Variants in CPD observed in about 807,000 individuals in gnomAD.
CPD encodes metallocarboxypeptidase D.
Under a neutral mutation model 138.3 loss-of-function variants are expected in CPD, and 69 were observed. That is an observed-to-expected ratio of 0.50 (90% CI 0.41 to 0.61). The LOEUF (loss-of-function observed/expected upper bound fraction) is 0.61, where lower values mean the gene tolerates loss of function less well. Ranked by LOEUF, CPD falls within the 20% of genes least tolerant of loss-of-function variation. The pLI is 0.00. For synonymous variants in CPD, 651 were observed against 642.1 expected (o/e 1.01, Z -0.21); for missense variants, 1,432 against 1,733.3 (o/e 0.83, Z 3.09).
rs1252854885 is a variant in CPD at position 30,435,646 on chromosome 17, G to C, written c.2128-3329G>C. Among the ~76,000 whole-genome samples the C allele has an allele frequency of 3.3e-5, 5 of 152,138 alleles. No individual in the cohort carries two copies. In the East Asian group the frequency reaches 9.6e-4, roughly 29 times the overall value. On this transcript the variant is annotated intron_variant, in intron 8 of 20. Coordinates refer to ENST00000225719, the MANE Select transcript of CPD (RefSeq NM_001304.5). ...GTGACAAAAAAAGATTGATACATTG[G>C]ACATAATCCAGATTTAAAACTTCTT... is the stretch of plus-strand genomic sequence containing the variant.
At position 30,468,818 on chromosome 17, in the gene CPD, G is replaced by C. The variant is rs1435747778; in HGVS notation, c.*4004G>C. The C allele has an allele frequency of 6.6e-6, 1 of 151,980 alleles. No individual in the cohort carries two copies. Among genetic ancestry groups the C allele is most frequent in the Non-Finnish European group, 1.5e-5 (1 of 67,982 alleles). 9.4% of individuals were successfully genotyped at this position (151,980 alleles called of 1,614,324 possible). A position where few individuals can be genotyped will look rare whatever the true frequency, so the allele number is the denominator to read the frequency against. ...AAATAGTACCAGGATCAGAATACAG[G>C]GTATCACCTATGGAATGTTTCTGTA... On this transcript the variant is annotated 3_prime_UTR_variant, in exon 21 of 21. Transcript: ENST00000225719.
chr17:30,400,649 A>ATTTTTT, intron 2 of CPD, among the ~76,000 whole-genome samples: 1 of 76,068 alleles, frequency 1.3e-5, no homozygotes, highest in African/African-American at 6.1e-5. Context: ...TTTTGCCATC[A>ATTTTTT]TTCTTTTTTT....
chr17:30,380,586 G>A, intron 1 of CPD: 2 of 1,505,888 alleles, frequency 1.3e-6, no homozygotes, highest in Non-Finnish European at 1.8e-6. Context: ...CAAAGTAGAA[G>A]AAGGAGGACC....
chr17:30,438,147 T>A (rs1912756538), intron 8 of CPD, among the ~76,000 whole-genome samples: 1 of 151,996 alleles, frequency 6.6e-6, no homozygotes. Context: ...TCCCTGTTTA[T>A]ATATTTTAAA....
rs535787426 is a variant in CPD at position 30,396,518 on chromosome 17, C to T, written c.994+11282C>T. Among the ~76,000 whole-genome samples, 3 of 152,268 alleles carry T rather than the reference C, an allele frequency of 2.0e-5. No homozygotes were observed. In the East Asian group the frequency reaches 5.8e-4, roughly 29 times the overall value. On this transcript the variant is annotated intron_variant, in intron 2 of 20. Transcript: ENST00000225719. The stretch of plus-strand genomic sequence containing the variant: ...GATTGAATTTATTAATCTCCCCTCC[C>T]CTTAAAAGCTAGATCTTTCTGTGGT...
chr17:30,396,822 C>A lies in CPD; in HGVS notation c.994+11586C>A, dbSNP rs192514126. On this transcript the variant is annotated intron_variant, in intron 2 of 20. Coordinates refer to ENST00000225719, the MANE Select transcript of CPD (RefSeq NM_001304.5). ...CTTTCCTTTCCTTTCCTTTCATTTC[C>A]TCTTCCTTTCTTTCCTTCTTTCCTT... 2.5e-3 allele frequency among the ~76,000 whole-genome samples: 378 copies of A among 151,374 alleles called. 2 individuals are homozygous for A. The highest frequency in any genetic ancestry group is 8.8e-3 in the African/African-American group (362 of 41,230).
At chr17:30,430,625 A>G (rs1912537384) in intron 7 of CPD, among the ~76,000 whole-genome samples, 1 of 152,030 alleles carries the variant, frequency 6.6e-6, no homozygotes, top group African/African-American at 2.4e-5. Context: ...GCATTCAAAT[A>G]TCTATTTGAG....
At chr17:30,432,252 C>A (rs1346008214) in intron 8 of CPD, among the ~76,000 whole-genome samples, 1 of 152,188 alleles carries the variant, frequency 6.6e-6, no homozygotes. Flanking sequence ...TATTGACACA[C>A]AGCCACAGCT....
Position 30,379,381 on chromosome 17 carries a change from T to A in CPD, c.401T>A (p.Leu134Gln). 6.6e-7 allele frequency: 1 copy of A among 1,524,382 alleles called. No homozygotes were observed. Among genetic ancestry groups the A allele is most frequent in the Non-Finnish European group, 8.7e-7 (1 of 1,144,478 alleles). 94.4% of individuals were successfully genotyped at this position (1,524,382 alleles called of 1,614,324 possible). Residue 134 changes from leucine to glutamine, a missense_variant, in exon 1 of 21, where the codon CTG becomes CAG. Leu to Gln is a moderately radical substitution (Grantham distance 113). Around this residue, in one of 6 missense-constraint regions of CPD, gnomAD observed 484 missense variants for 477.2 expected, o/e 1.01. Transcript: ENST00000225719. The surrounding 1 kb of genome is among the most constrained non-coding windows in gnomAD (Gnocchi z 7.0). ...PLLPGRPQVKLVGNMHGDETV... is the reference protein window; with the variant it reads ...PLLPGRPQVKQVGNMHGDETV... ...CTGCCCGGCCGGCCCCAGGTGAAGCTGGTGGGCAACATGCATGGCGACGAG... is the reference window on the plus strand; with the variant it reads ...CTGCCCGGCCGGCCCCAGGTGAAGCAGGTGGGCAACATGCATGGCGACGAG...
At chr17:30,432,191 A>G (rs183093821) in intron 8 of CPD, among the ~76,000 whole-genome samples, 3 of 152,348 alleles carry the variant, frequency 2.0e-5, no homozygotes, top group East Asian at 3.9e-4. Context: ...TTAATGAATT[A>G]TAGCTCTGGA....
intron 2 of CPD, among the ~76,000 whole-genome samples, chr17:30,387,365 T>C (rs12449388): frequency 0.52 from 78,999 of 152,058 alleles, 21,233 homozygotes; most frequent in East Asian, 0.83. Context: ...GTGATCTACC[T>C]GTCTCAGCCT....
chr17:30,413,932 G>A (rs759384823), intron 2 of CPD, among the ~76,000 whole-genome samples: 62 of 152,170 alleles, frequency 4.1e-4, no homozygotes, highest in Admixed American at 7.9e-4. Context: ...AAGTAGTAAG[G>A]TTATCCGGGG....
Position 30,385,025 on chromosome 17 carries a change from G to A in CPD, c.783G>A (p.Val261=). Residue 261 remains valine, a synonymous_variant, in exon 2 of 21, where the codon GTG becomes GTA. Coordinates refer to ENST00000225719, the MANE Select transcript of CPD (RefSeq NM_001304.5). ...VLSGNLHGGS[V]VASYPFDDSP... is the part of the protein sequence containing the mutation. Reference sequence around the variant, plus strand: ...CTGGAAATCTGCATGGTGGCTCAGTGGTAGCAAGCTATCCTTTTGATGATT... The same window carrying A: ...CTGGAAATCTGCATGGTGGCTCAGTAGTAGCAAGCTATCCTTTTGATGATT... 1.2e-6 allele frequency: 2 copies of A among 1,613,900 alleles called. No homozygotes were observed. The highest frequency in any genetic ancestry group is 2.7e-5 in the African/African-American group (2 of 74,996).
intron 18 of CPD, 117 bp from the exon 19 acceptor site, chr17:30,461,760 G>A: frequency 3.9e-6 from 3 of 765,498 alleles, no homozygotes. Flanking sequence ...ATACTTGTTT[G>A]TGTGTGGTTT....
chr17:30,379,719 A>G lies in CPD; in HGVS notation c.739A>G (p.Arg247Gly). 1.3e-6 allele frequency: 2 copies of G among 1,491,878 alleles called. No homozygotes were observed. The highest frequency in any genetic ancestry group is 2.6e-5 in the South Asian group (2 of 75,850). The allele number at this position is 1,491,878 out of a possible 1,614,324, so 92.4% of individuals were successfully genotyped here. A position where few individuals can be genotyped will look rare whatever the true frequency, so the allele number is the denominator to read the frequency against. ...EVRALIEWIR[R>G]NKFVLSGNLH... is the part of the protein sequence containing the mutation. ...GCGCGCCCTCATCGAGTGGATCCGC[A>G]GGAACAAGTGAGTGTTGCCTGCCCC... is the stretch of plus-strand genomic sequence containing the variant. Residue 247 changes from arginine (R) to glycine (G), a missense_variant, in exon 1 of 21, where the codon AGG (arginine) becomes GGG (glycine). Transcript: ENST00000225719. This position sits in a 1 kb window ranked among gnomAD's most constrained non-coding sequence, Gnocchi z 7.0.
rs1252253280 is a variant in CPD at position 30,417,495 on chromosome 17, T to C, written c.995-3346T>C. Reference sequence around the variant, plus strand: ...ATACCTCAAATTCAACATGCCCCTTTCTGCTCAATTACTCTTACAGACCTT... The same window carrying C: ...ATACCTCAAATTCAACATGCCCCTTCCTGCTCAATTACTCTTACAGACCTT... On this transcript the variant is annotated intron_variant, in intron 2 of 20. Coordinates refer to ENST00000225719, the MANE Select transcript of CPD (RefSeq NM_001304.5). Among the ~76,000 whole-genome samples the C allele has an allele frequency of 2.0e-5, 3 of 152,168 alleles. No homozygotes were observed. In the South Asian group the frequency reaches 6.2e-4, roughly 32 times the overall value.
chr17:30,454,218 T>A (rs1368065409), intron 14 of CPD: 1 of 152,330 alleles, frequency 6.6e-6, no homozygotes, highest in Non-Finnish European at 1.5e-5. Flanking sequence ...CAAACTTTTA[T>A]GCTTTGCTTC....
At chr17:30,390,116 A>G (rs911224415) in intron 2 of CPD, among the ~76,000 whole-genome samples, 3 of 151,790 alleles carry the variant, frequency 2.0e-5, no homozygotes, top group African/African-American at 7.3e-5. Flanking sequence ...TCCTGGGTTC[A>G]GATGATTCCC....
At chr17:30,403,494 A>G (rs1369438405) in intron 2 of CPD, among the ~76,000 whole-genome samples, 1 of 152,210 alleles carries the variant, frequency 6.6e-6, no homozygotes, top group Non-Finnish European at 1.5e-5. Flanking sequence ...TATAGAAGAT[A>G]AATAAAGACA....
Sources: gnomAD v4.1 joint callset for allele counts (sites outside exome capture counted in the v4.1 genomes callset) on GRCh38, gnomAD v4.1.1 for gene constraint, gnomAD v4.1.1 regional missense constraint, Gnocchi (gnomAD v3.1) non-coding constraint, MANE v1.5 for transcripts, NCBI Gene and HGNC (gene_info 2026-07-23, HGNC 2026-07-21) for gene names.